Variants in GRM8 observed in about 807,000 individuals in gnomAD.
GRM8 encodes the protein glutamate metabotropic receptor 8, also known as metabotropic glutamate receptor 8.
In GRM8, 47 loss-of-function variants were observed where a neutral mutation model predicts 87.2. The ratio of observed to expected loss-of-function variants is 0.54; its 90% CI spans 0.43 to 0.69. GRM8 has a LOEUF of 0.69. Ranked by LOEUF, GRM8 falls within the 30% of genes least tolerant of loss-of-function variation. The pLI is 0.00. For missense variants in GRM8, 1,019 were observed against 1,139.2 expected (o/e 0.89, Z 1.52); for synonymous variants, 396 against 404.5 (o/e 0.98, Z 0.25).
At chr7:127,015,242 AAGAAGAAGAAGAAGAAGAAAAGAGAGAG>A (rs1563414504) in intron 3 of GRM8, among the ~76,000 whole-genome samples, 2 of 131,562 alleles carry the variant, frequency 1.5e-5, no homozygotes, top group East Asian at 5.2e-4. Context: ...GAAGAAGAAG[AAGAAGAAGAAGAAGAAGAAAAGAGAGAG>A]AGAGAGAGAG....
intron 7 of GRM8, among the ~76,000 whole-genome samples, chr7:126,645,564 C>G (rs898266436): frequency 2.6e-5 from 4 of 152,242 alleles, no homozygotes; most frequent in African/African-American, 9.6e-5. Context: ...CCCACATGGG[C>G]TGAACTCATG....
At chr7:127,044,942 T>C (rs1344108500) in intron 3 of GRM8, among the ~76,000 whole-genome samples, 1 of 152,192 alleles carries the variant, frequency 6.6e-6, no homozygotes, top group Non-Finnish European at 1.5e-5. Context: ...TGCTTCAGAT[T>C]TTTTTATTTT....
chr7:126,905,095 T>C (rs1802544069), intron 3 of GRM8, among the ~76,000 whole-genome samples: 1 of 152,248 alleles, frequency 6.6e-6, no homozygotes, highest in African/African-American at 2.4e-5. Flanking sequence ...GTCCTTTTGT[T>C]ACTTTTATTT....
intron 2 of GRM8, among the ~76,000 whole-genome samples, chr7:127,213,117 T>C (rs11563684): frequency 0.15 from 22,942 of 152,220 alleles, 2,185 homozygotes; most frequent in Middle Eastern, 0.2. Context: ...TCTACGGTGA[T>C]ACACTTATCC....
intron 9 of GRM8, among the ~76,000 whole-genome samples, chr7:126,492,866 C>T (rs924688979): frequency 1.3e-5 from 2 of 151,922 alleles, no homozygotes; most frequent in Non-Finnish European, 2.9e-5. Flanking sequence ...AATCACAAGT[C>T]GACACATGAT....
intron 3 of GRM8, among the ~76,000 whole-genome samples, chr7:127,030,856 CG>C (rs1364013933): frequency 1.3e-5 from 2 of 152,048 alleles, no homozygotes; most frequent in Non-Finnish European, 2.9e-5. Flanking sequence ...AGGATGTCCC[CG>C]ACTCCTCTTT....
intron 6 of GRM8, among the ~76,000 whole-genome samples, chr7:126,786,017 G>A (rs1356145675): frequency 1.3e-5 from 2 of 151,844 alleles, no homozygotes; most frequent in Admixed American, 1.3e-4. Flanking sequence ...AGGTTTTCTG[G>A]AGCACTAGGA....
intron 6 of GRM8, among the ~76,000 whole-genome samples, chr7:126,815,013 C>T (rs1358634748): frequency 6.6e-6 from 1 of 152,102 alleles, no homozygotes; most frequent in Non-Finnish European, 1.5e-5. Context: ...GTTTATCAGA[C>T]TCTATATAAT....
At chr7:126,947,429 G>A (rs17869343) in intron 3 of GRM8, among the ~76,000 whole-genome samples, 1 of 152,050 alleles carries the variant, frequency 6.6e-6, no homozygotes, top group East Asian at 1.9e-4. Context: ...GTACAAACTG[G>A]AGACTCCAGA....
chr7:126,568,306 G>A (rs921809332), intron 8 of GRM8, among the ~76,000 whole-genome samples: 2 of 152,080 alleles, frequency 1.3e-5, no homozygotes, highest in Admixed American at 6.6e-5. Context: ...TACGTTAACA[G>A]AAAGAAAAAT....
chr7:127,241,502 C>T (rs17867802), intron 2 of GRM8, among the ~76,000 whole-genome samples: 17,225 of 149,164 alleles, frequency 0.12, 1,245 homozygotes, highest in Middle Eastern at 0.26. Context: ...GGCATGATCT[C>T]GGCTCATCGC....
chr7:126,682,566 G>A (rs925549522), intron 7 of GRM8, among the ~76,000 whole-genome samples: 1 of 152,214 alleles, frequency 6.6e-6, no homozygotes, highest in Admixed American at 6.5e-5. Context: ...ACAGGGGTCA[G>A]CAAAGAATGG....
chr7:127,204,018 G>GCTAAA (rs1437929810), intron 2 of GRM8, among the ~76,000 whole-genome samples: 1 of 152,146 alleles, frequency 6.6e-6, no homozygotes, highest in Non-Finnish European at 1.5e-5. Context: ...AAATTTAAGA[G>GCTAAA]TTGTAGTCAA....
chr7:126,639,900 G>T (rs1228266256), intron 7 of GRM8, among the ~76,000 whole-genome samples: 1 of 152,144 alleles, frequency 6.6e-6, no homozygotes, highest in African/African-American at 2.4e-5. Context: ...TCTTGCTGAA[G>T]AACATTACAG....
chr7:126,920,554 T>C lies in GRM8; in HGVS notation c.728-15871A>G, dbSNP rs1265586635. Among the ~76,000 whole-genome samples, 4 of 152,112 alleles carry C rather than the reference T, an allele frequency of 2.6e-5. No individual in the cohort carries two copies. The East Asian group carries it at 7.7e-4, about 29-fold the overall frequency. ...AAAGCTGGTGTTCTACTTAACATGA[T>C]GAAGGCCCTGGAGTGGAGGTACCAG... On this transcript the variant is annotated intron_variant, in intron 3 of 10. Coordinates refer to ENST00000339582, the MANE Select transcript of GRM8 (RefSeq NM_000845.3).
chr7:127,198,061 T>C (rs1444348760), intron 2 of GRM8, among the ~76,000 whole-genome samples: 6 of 152,236 alleles, frequency 3.9e-5, no homozygotes, highest in Non-Finnish European at 8.8e-5. Flanking sequence ...ATAGTTCATT[T>C]GTTTAACCAA....
chr7:127,246,477 C>T (rs961522547), intron 1 of GRM8, among the ~76,000 whole-genome samples: 1 of 152,224 alleles, frequency 6.6e-6, no homozygotes, highest in Non-Finnish European at 1.5e-5. Context: ...AAACCAATCT[C>T]AGAGGGGGAC....
intron 2 of GRM8, among the ~76,000 whole-genome samples, chr7:127,205,375 C>T (rs748055964): frequency 2.6e-5 from 4 of 152,146 alleles, no homozygotes; most frequent in Non-Finnish European, 4.4e-5. Flanking sequence ...TACATTAATG[C>T]CTGAATTACC....
At chr7:126,535,584 G>A (rs550364215) in intron 8 of GRM8, among the ~76,000 whole-genome samples, 1 of 152,310 alleles carries the variant, frequency 6.6e-6, no homozygotes, top group South Asian at 2.1e-4. Flanking sequence ...TGCAGAGTAA[G>A]GGGTGGATTA....
Sources: gnomAD v4.1 joint callset for allele counts (sites outside exome capture counted in the v4.1 genomes callset) on GRCh38, gnomAD v4.1.1 for gene constraint, MANE v1.5 for transcripts, NCBI Gene and HGNC (gene_info 2026-07-23, HGNC 2026-07-21) for gene names.